ARHGEF4: variants seen among roughly 807,000 people sequenced by gnomAD.
ARHGEF4 encodes the protein Rho guanine nucleotide exchange factor 4.
Under a neutral mutation model 162.0 loss-of-function variants are expected in ARHGEF4, and 119 were observed. That is an observed-to-expected ratio of 0.73 (90% CI 0.63 to 0.86). The LOEUF (loss-of-function observed/expected upper bound fraction) is 0.86, where lower values mean the gene tolerates loss of function less well. Ranked by LOEUF, ARHGEF4 falls within the 40% of genes least tolerant of loss-of-function variation. The probability of loss-of-function intolerance (pLI) is 0.00; values close to 1 mark genes in which losing one functional copy is unlikely to be tolerated. For missense variants in ARHGEF4, 2,488 were observed against 2,456.0 expected, an observed-to-expected ratio of 1.01 and a Z score of -0.28; for synonymous variants, 1,014 against 979.9, an observed-to-expected ratio of 1.03 and a Z score of -0.65.
intron 4 of ARHGEF4, among the ~76,000 whole-genome samples, chr2:130,991,585 C>T (rs112801537): frequency 1.8e-4 from 28 of 152,226 alleles, no homozygotes; most frequent in Admixed American, 8.5e-4. Flanking sequence ...GAATTAGCAC[C>T]CGGGCCAGCG....
chr2:130,889,105 CAAA>C (rs70994719), intron 1 of ARHGEF4, among the ~76,000 whole-genome samples: 1 of 124,740 alleles, frequency 8.0e-6, no homozygotes, highest in Admixed American at 7.8e-5. Flanking sequence ...AACTCCATCT[CAAA>C]AAAAAAAAAA....
intron 4 of ARHGEF4, among the ~76,000 whole-genome samples, chr2:130,955,648 TG>T: frequency 2.6e-5 from 4 of 152,164 alleles, no homozygotes; most frequent in Admixed American, 2.6e-4. Context: ...CTGATTGCTC[TG>T]TTATTTTCAA....
intron 3 of ARHGEF4, among the ~76,000 whole-genome samples, chr2:130,945,097 T>C (rs1387174292): frequency 6.6e-6 from 1 of 152,116 alleles, no homozygotes; most frequent in African/African-American, 2.4e-5. Flanking sequence ...AAGACTCTTA[T>C]ATGCTGTTCA....
chr2:130,897,967 C>G (rs1680257959), intron 1 of ARHGEF4, among the ~76,000 whole-genome samples: 1 of 152,126 alleles, frequency 6.6e-6, no homozygotes, highest in African/African-American at 2.4e-5. Flanking sequence ...GTTTAAGCAA[C>G]AAAACAAACC....
At chr2:130,871,118 G>A (rs1344237553) in intron 1 of ARHGEF4, among the ~76,000 whole-genome samples, 5 of 152,192 alleles carry the variant, frequency 3.3e-5, no homozygotes, top group East Asian at 3.9e-4. Context: ...AAGGGGCCCC[G>A]CCTGTGGGTT....
chr2:130,921,869 T>C (rs1681894676), intron 2 of ARHGEF4, among the ~76,000 whole-genome samples: 1 of 151,826 alleles, frequency 6.6e-6, no homozygotes, highest in African/African-American at 2.4e-5. Context: ...TTTTTGTATT[T>C]TTAATAGAGA....
chr2:130,917,426 G>A lies in ARHGEF4; in HGVS notation c.3480G>A (p.Glu1160=). 1 of 1,550,652 alleles carries A rather than the reference G, an allele frequency of 6.4e-7. No individual in the cohort carries two copies. Among genetic ancestry groups the A allele is most frequent in the East Asian group, 2.4e-5 (1 of 40,914 alleles). The change falls in exon 2 of 14, where the codon GAG becomes GAA. Residue 1160 remains glutamate, a synonymous_variant. Transcript: ENST00000409359. The part of the protein sequence containing the change: ...QTLNQDEQKE[E]SREGGQGPRG... ...TAAACCAAGATGAGCAGAAGGAAGA[G>A]AGCAGGGAAGGAGGCCAGGGTCCGC...
chr2:130,947,993 G>A (rs909739724), intron 4 of ARHGEF4, among the ~76,000 whole-genome samples: 26 of 152,276 alleles, frequency 1.7e-4, no homozygotes, highest in African/African-American at 6.3e-4. Flanking sequence ...TGTCAAATGC[G>A]TGCTTTGTCC....
rs530466528 is a variant in ARHGEF4, at chr2:130,930,908, G to A, written c.3553-44G>A. On this transcript the variant is annotated intron_variant, in intron 2 of 13. Coordinates refer to ENST00000409359, the MANE Select transcript of ARHGEF4 (RefSeq NM_001367493.1). ...AGGACAGCGTGTTCCCAGTTGATAT[G>A]TCCTTTGACCTCTGACCCCTGACCC... The A allele has an allele frequency of 3.1e-5, 48 of 1,548,824 alleles. No individual in the cohort carries two copies. In the East Asian group the frequency reaches 7.0e-4, roughly 23 times the overall value.
intron 1 of ARHGEF4, among the ~76,000 whole-genome samples, chr2:130,898,312 C>G (rs553579783): frequency 3.7e-4 from 57 of 152,340 alleles, no homozygotes; most frequent in Admixed American, 8.5e-4. Flanking sequence ...AAATCCTGCA[C>G]TCAGGCCTGG....
intron 1 of ARHGEF4, among the ~76,000 whole-genome samples, chr2:130,910,560 A>C (rs916446749): frequency 6.6e-6 from 1 of 152,222 alleles, no homozygotes; most frequent in Non-Finnish European, 1.5e-5. Context: ...GGACAGTGGG[A>C]GGTTTCCACA....
At chr2:130,886,371 A>G (rs994281152) in intron 1 of ARHGEF4, among the ~76,000 whole-genome samples, 26 of 151,952 alleles carry the variant, frequency 1.7e-4, no homozygotes, top group African/African-American at 5.8e-4. Flanking sequence ...AAAAATTCTG[A>G]AAGATTTTTA....
At chr2:130,884,192 T>A (rs1347256604) in intron 1 of ARHGEF4, among the ~76,000 whole-genome samples, 1 of 151,966 alleles carries the variant, frequency 6.6e-6, no homozygotes, top group Non-Finnish European at 1.5e-5. Context: ...AGTAACAGTA[T>A]CTGAATAGGC....
intron 4 of ARHGEF4, among the ~76,000 whole-genome samples, chr2:130,982,001 C>A (rs1480726005): frequency 1.3e-5 from 2 of 152,074 alleles, no homozygotes; most frequent in Non-Finnish European, 2.9e-5. Context: ...GCCAAACTGC[C>A]AATACATTTT....
At chr2:131,010,574 C>G (rs1220965518) in intron 4 of ARHGEF4, among the ~76,000 whole-genome samples, 1 of 152,232 alleles carries the variant, frequency 6.6e-6, no homozygotes, top group African/African-American at 2.4e-5. Context: ...TGTCGAAGAG[C>G]AAGCATGTGC....
At chr2:130,990,976 T>C (rs1686911672) in intron 4 of ARHGEF4, among the ~76,000 whole-genome samples, 1 of 152,222 alleles carries the variant, frequency 6.6e-6, no homozygotes, top group African/African-American at 2.4e-5. Context: ...AGAAATAATC[T>C]AAAATTTGGT....
At chr2:131,018,965 T>G (rs1688927003) in intron 4 of ARHGEF4, among the ~76,000 whole-genome samples, 1 of 152,232 alleles carries the variant, frequency 6.6e-6, no homozygotes, top group Non-Finnish European at 1.5e-5. Flanking sequence ...TTATGCCATT[T>G]CCACATTATT....
At chr2:130,843,982 C>G (rs537482748) in intron 1 of ARHGEF4, among the ~76,000 whole-genome samples, 1 of 152,270 alleles carries the variant, frequency 6.6e-6, no homozygotes, top group Non-Finnish European at 1.5e-5. Flanking sequence ...CCTCTGTGTC[C>G]CTGTCCTCCC....
intron 4 of ARHGEF4, among the ~76,000 whole-genome samples, chr2:130,961,336 TGAGGGGG>T (rs1558772765): frequency 6.6e-6 from 1 of 152,086 alleles, no homozygotes; most frequent in Non-Finnish European, 1.5e-5. Context: ...GAAGCCTCAC[TGAGGGGG>T]GACATTCACT....
Sources: gnomAD v4.1 joint callset for allele counts (sites outside exome capture counted in the v4.1 genomes callset) on GRCh38, gnomAD v4.1.1 for gene constraint, MANE v1.5 for transcripts, NCBI Gene and HGNC (gene_info 2026-07-23, HGNC 2026-07-21) for gene names.